The following LONP2 variants were observed in gnomAD, a reference collection of about 807,000 sequenced individuals.
LONP2 encodes lon protease homolog 2, peroxisomal.
In LONP2, 60 loss-of-function variants were observed where a neutral mutation model predicts 85.6. That is an observed-to-expected ratio of 0.70 (90% CI 0.57 to 0.87). The LOEUF is 0.87. Among genes scored for constraint, LONP2 ranks in the 40% least tolerant of loss-of-function variants. The probability of loss-of-function intolerance (pLI) is 0.00; values close to 1 mark genes in which losing one functional copy is unlikely to be tolerated. For missense variants in LONP2, 860 were observed against 1,063.5 expected (o/e 0.81, Z 2.66); for synonymous variants, 395 against 389.7 (o/e 1.01, Z -0.16).
chr16:48,250,434 A>T (rs115583530), intron 1 of LONP2, among the ~76,000 whole-genome samples: 12,549 of 150,950 alleles, frequency 0.083, 561 homozygotes, highest in Middle Eastern at 0.11. Flanking sequence ...GTGAGCCAAG[A>T]TTAGGCTACT....
At chr16:48,347,446 TGTG>T in intron 12 of LONP2, 58 bp from the exon 13 acceptor site, 1 of 1,528,614 alleles carries the variant, frequency 6.5e-7, no homozygotes, top group Admixed American at 1.7e-5. Context: ...TGCAGGATTG[TGTG>T]GTATCAGTCA....
At chr16:48,312,646 C>A (rs1418186040) in intron 11 of LONP2, among the ~76,000 whole-genome samples, 1 of 152,116 alleles carries the variant, frequency 6.6e-6, no homozygotes, top group Non-Finnish European at 1.5e-5. Context: ...GGGCTCAAGG[C>A]CTCCTGCCTA....
intron 13 of LONP2, 65 bp downstream of exon 13, chr16:48,347,779 G>A: frequency 6.8e-7 from 1 of 1,466,634 alleles, no homozygotes; most frequent in Non-Finnish European, 9.3e-7. Flanking sequence ...GGCGGAGACT[G>A]GCATGAGCTC....
In LONP2 at chr16:48,310,705, TTC is replaced by T. The variant is rs532361280; in HGVS notation, c.1795+7402_1795+7403del. Among the ~76,000 whole-genome samples, 516 of 152,294 alleles carry T rather than the reference TTC, an allele frequency of 3.4e-3. 2 individuals carry two copies. The highest frequency in any genetic ancestry group is 0.012 in the African/African-American group (494 of 41,570). On this transcript the variant is annotated intron_variant, in intron 11 of 14. Transcript: ENST00000285737. The stretch of plus-strand genomic sequence containing the variant: ...GTTCCCGCTTTGTGGTCTTCTGGAG[TTC>T]TGTCATGTTGCCCTTTTATTTCTTT...
intron 8 of LONP2, among the ~76,000 whole-genome samples, chr16:48,288,847 G>A (rs755570091): frequency 1.8e-4 from 28 of 151,982 alleles, no homozygotes; most frequent in Non-Finnish European, 3.7e-4. Context: ...TTTTGAGGGG[G>A]CACAATTCAG....
intron 11 of LONP2, among the ~76,000 whole-genome samples, chr16:48,305,683 C>T (rs1004450169): frequency 5.3e-5 from 8 of 152,206 alleles, no homozygotes; most frequent in Non-Finnish European, 1.2e-4. Context: ...TTAGGACCCA[C>T]ATCAACTTGT....
chr16:48,323,527 A>G (rs1468682829), intron 11 of LONP2, among the ~76,000 whole-genome samples: 1 of 152,072 alleles, frequency 6.6e-6, no homozygotes, highest in Non-Finnish European at 1.5e-5. Context: ...GTGGTGGTGC[A>G]CACGCCTGTT....
intron 8 of LONP2, among the ~76,000 whole-genome samples, chr16:48,287,170 T>C (rs536446105): frequency 2.7e-4 from 41 of 152,254 alleles, no homozygotes; most frequent in Admixed American, 7.2e-4. Context: ...CTTTCACACT[T>C]TGGCAGATGG....
rs1959570359 is a variant in LONP2, at chr16:48,334,308, G to A, written c.1888G>A (p.Asp630Asn). The change falls in exon 12 of 15, where the codon GAT becomes AAT. Residue 630 changes from aspartate (D) to asparagine (N), a missense_variant. Around this residue, in one of 3 missense-constraint regions of LONP2, gnomAD observed 743 missense variants for 917.3 expected, o/e 0.81. Coordinates refer to ENST00000285737, the MANE Select transcript of LONP2 (RefSeq NM_031490.5). ...ALPPEMPILI[D>N]FHALKDILGP... The stretch of plus-strand genomic sequence containing the variant: ...ACCACCTGAAATGCCGATTTTGATT[G>A]ATTTCCATGCTCTGAAAGACATCCT... 1 of 1,613,998 alleles carries A rather than the reference G, an allele frequency of 6.2e-7. No individual in the cohort carries two copies. Among genetic ancestry groups the A allele is most frequent in the Non-Finnish European group, 8.5e-7 (1 of 1,180,014 alleles).
At chr16:48,256,109 G>A in intron 2 of LONP2, among the ~76,000 whole-genome samples, 1 of 152,136 alleles carries the variant, frequency 6.6e-6, no homozygotes, top group East Asian at 1.9e-4. Flanking sequence ...AAGAACAAGG[G>A]TCCTTAATCT....
At chr16:48,322,358 G>T (rs891575149) in intron 11 of LONP2, among the ~76,000 whole-genome samples, 3 of 152,018 alleles carry the variant, frequency 2.0e-5, no homozygotes, top group Non-Finnish European at 4.4e-5. Context: ...AAACTTCTTT[G>T]TTAAAAGCAA....
chr16:48,323,143 G>A (rs1278799378), intron 11 of LONP2, among the ~76,000 whole-genome samples: 1 of 152,114 alleles, frequency 6.6e-6, no homozygotes, highest in Non-Finnish European at 1.5e-5. Flanking sequence ...TGAAATAATT[G>A]CTAATTTTTA....
intron 6 of LONP2, among the ~76,000 whole-genome samples, chr16:48,264,618 T>G (rs1167253532): frequency 6.6e-6 from 1 of 152,178 alleles, no homozygotes; most frequent in East Asian, 1.9e-4. Flanking sequence ...TACATCCTCC[T>G]TGGCTGACAG....
chr16:48,253,260 A>C (rs1232538032), intron 2 of LONP2, among the ~76,000 whole-genome samples: 1 of 152,148 alleles, frequency 6.6e-6, no homozygotes. Context: ...GCTTGAGCCC[A>C]GTAGTTCGAG....
At chr16:48,301,918 T>C (rs1213243868) in intron 10 of LONP2, among the ~76,000 whole-genome samples, 2 of 152,188 alleles carry the variant, frequency 1.3e-5, no homozygotes, top group Non-Finnish European at 2.9e-5. Context: ...GTTTCAAGAC[T>C]TCTCACCCTC....
rs140853436 is a variant in LONP2, at chr16:48,305,609, CT to C, written c.1795+2308del. Reference sequence around the variant, plus strand: ...TTGGGAGAATCTAGAAAACTTTTGCCTTTTGTCCCACTCTTCATCCATGCTT... The same window carrying C: ...TTGGGAGAATCTAGAAAACTTTTGCCTTTGTCCCACTCTTCATCCATGCTT... On this transcript the variant is annotated intron_variant, in intron 11 of 14. Transcript: ENST00000285737. Among the ~76,000 whole-genome samples, 422 of 152,134 alleles carry C rather than the reference CT, an allele frequency of 2.8e-3. 6 individuals carry two copies. The East Asian group carries it at 0.059, about 21-fold the overall frequency.
chr16:48,258,623 A>C lies in LONP2; in HGVS notation c.606A>C (p.Leu202Phe). 1 of 1,594,656 alleles carries C rather than the reference A, an allele frequency of 6.3e-7. No individual in the cohort carries two copies. Among genetic ancestry groups the C allele is most frequent in the Non-Finnish European group, 8.5e-7 (1 of 1,172,886 alleles). ...ATTGACTCACATTTCCTTAGATTTT[A>C]GATGCTGTGAGCCTAGAGGAGCGGT... ...RTSNKEKLQILDAVSLEERFK... is the reference protein window; with the variant it reads ...RTSNKEKLQIFDAVSLEERFK... Residue 202 changes from leucine (L) to phenylalanine (F), a missense_variant, in exon 4 of 15, where the codon TTA becomes TTC. Around this residue, in one of 3 missense-constraint regions of LONP2, gnomAD observed 743 missense variants for 917.3 expected, o/e 0.81. Transcript: ENST00000285737.
chr16:48,315,877 G>T (rs1390796106), intron 11 of LONP2, among the ~76,000 whole-genome samples: 4 of 144,958 alleles, frequency 2.8e-5, no homozygotes, highest in Middle Eastern at 7.1e-3. Context: ...ATTTTCTGTT[G>T]CCCTGTATTC....
Position 48,347,623 on chromosome 16 carries a change from G to C in LONP2, c.2055G>C (p.Leu685=), listed in dbSNP as rs2151033204. 1 of 1,614,240 alleles carries C rather than the reference G, an allele frequency of 6.2e-7. No individual in the cohort carries two copies. The highest frequency in any genetic ancestry group is 8.5e-7 in the Non-Finnish European group (1 of 1,180,042). ...TGGATGGCGAGGGCCAGTTAACTCTGACCGGCCAGCTCGGGGACGTGATGA... is the reference window on the plus strand; with the variant it reads ...TGGATGGCGAGGGCCAGTTAACTCTCACCGGCCAGCTCGGGGACGTGATGA... ...SRMDGEGQLT[L]TGQLGDVMKE... Residue 685 remains leucine, a synonymous_variant, in exon 13 of 15, where the codon CTG becomes CTC. Transcript: ENST00000285737.
Sources: gnomAD v4.1 joint callset for allele counts (sites outside exome capture counted in the v4.1 genomes callset) on GRCh38, gnomAD v4.1.1 for gene constraint, gnomAD v4.1.1 regional missense constraint, MANE v1.5 for transcripts, NCBI Gene and HGNC (gene_info 2026-07-23, HGNC 2026-07-21) for gene names.